Variants in ARL15 observed in about 807,000 individuals in gnomAD.
ARL15 encodes ARF like GTPase 15.
Under a neutral mutation model 25.2 loss-of-function variants are expected in ARL15, and 19 were observed. The ratio of observed to expected loss-of-function variants is 0.75; its 90% confidence interval spans 0.53 to 1.10. The LOEUF (loss-of-function observed/expected upper bound fraction) is 1.10. ARL15 is among the 50% of genes least tolerant of loss of function. ARL15 has a pLI of 0.00. For missense variants in ARL15, 220 were observed against 246.0 expected, an observed-to-expected ratio of 0.89 and a Z score of 0.71; for synonymous variants, 94 against 86.8, an observed-to-expected ratio of 1.08 and a Z score of -0.46.
At chr5:54,197,949 G>C (rs1434905419) in intron 1 of ARL15, among the ~76,000 whole-genome samples, 2 of 151,974 alleles carry the variant, frequency 1.3e-5, no homozygotes, top group East Asian at 3.9e-4. Flanking sequence ...TATCCACCAT[G>C]ATCAAGTGGG....
intron 4 of ARL15, among the ~76,000 whole-genome samples, chr5:53,977,876 CCTTT>C (rs1264957646): frequency 1.4e-5 from 2 of 145,874 alleles, no homozygotes; most frequent in Non-Finnish European, 3.0e-5. Flanking sequence ...AACTTTTCCT[CCTTT>C]CTATCACTGT....
At chr5:54,168,213 C>T (rs749506488) in intron 2 of ARL15, among the ~76,000 whole-genome samples, 1 of 152,028 alleles carries the variant, frequency 6.6e-6, no homozygotes, top group Non-Finnish European at 1.5e-5. Context: ...CCTTTCTTCC[C>T]GCTTTCTACC....
At chr5:54,062,454 G>A (rs1264424782) in intron 4 of ARL15, among the ~76,000 whole-genome samples, 1 of 151,540 alleles carries the variant, frequency 6.6e-6, no homozygotes, top group Admixed American at 6.6e-5. Flanking sequence ...GAATTATGAA[G>A]GCCAGTCTTT....
chr5:54,222,182 G>C (rs1348971968), intron 1 of ARL15, among the ~76,000 whole-genome samples: 1 of 152,058 alleles, frequency 6.6e-6, no homozygotes, highest in African/African-American at 2.4e-5. Context: ...GCTGTCCTTT[G>C]AACAAAAATT....
intron 1 of ARL15, among the ~76,000 whole-genome samples, chr5:54,255,696 C>T (rs1444498268): frequency 6.6e-6 from 1 of 152,106 alleles, no homozygotes; most frequent in Non-Finnish European, 1.5e-5. Flanking sequence ...TGATGGGCTG[C>T]AGCATAAAAC....
chr5:54,280,758 T>C (rs1365941956), intron 1 of ARL15, among the ~76,000 whole-genome samples: 1 of 152,230 alleles, frequency 6.6e-6, no homozygotes, highest in East Asian at 1.9e-4. Context: ...AAGTCCTTAC[T>C]TAGAAAATAA....
At chr5:54,060,856 A>C (rs944320674) in intron 4 of ARL15, among the ~76,000 whole-genome samples, 1 of 152,248 alleles carries the variant, frequency 6.6e-6, no homozygotes, top group Admixed American at 6.5e-5. Context: ...GCAGCAAAGC[A>C]TTCAAGAGGA....
At chr5:53,965,466 T>C (rs1360162034) in intron 4 of ARL15, among the ~76,000 whole-genome samples, 1 of 152,148 alleles carries the variant, frequency 6.6e-6, no homozygotes, top group Non-Finnish European at 1.5e-5. Flanking sequence ...TGAGCCAAGG[T>C]TTTGCTCTTT....
chr5:54,027,793 A>G (rs569267952), intron 4 of ARL15, among the ~76,000 whole-genome samples: 1 of 152,302 alleles, frequency 6.6e-6, no homozygotes, highest in East Asian at 1.9e-4. Context: ...CCTCAGGTCA[A>G]ACAATGAGAA....
chr5:54,035,922 A>C (rs1750152350), intron 4 of ARL15, among the ~76,000 whole-genome samples: 1 of 152,196 alleles, frequency 6.6e-6, no homozygotes, highest in Admixed American at 6.5e-5. Context: ...TATTAGGCTG[A>C]GGTGAGAGGA....
chr5:53,979,369 CA>C (rs1158943613), intron 4 of ARL15, among the ~76,000 whole-genome samples: 1 of 151,332 alleles, frequency 6.6e-6, no homozygotes, highest in Admixed American at 6.6e-5. Context: ...CTCATCTCTA[CA>C]AAAAAAATAA....
intron 4 of ARL15, among the ~76,000 whole-genome samples, chr5:54,111,332 T>C (rs1025831962): frequency 1.3e-5 from 2 of 152,038 alleles, no homozygotes; most frequent in Admixed American, 6.6e-5. Context: ...TTTATAACTA[T>C]CAGTCTTACT....
At chr5:53,968,855 A>T (rs1183728861) in intron 4 of ARL15, among the ~76,000 whole-genome samples, 2 of 151,674 alleles carry the variant, frequency 1.3e-5, no homozygotes, top group Non-Finnish European at 2.9e-5. Context: ...GGCACATCTT[A>T]TATCTTTTAA....
At chr5:53,976,197 G>T (rs1028168828) in intron 4 of ARL15, among the ~76,000 whole-genome samples, 1 of 152,118 alleles carries the variant, frequency 6.6e-6, no homozygotes, top group Non-Finnish European at 1.5e-5. Context: ...GTGTAGCAGG[G>T]GTGATAGGCA....
chr5:54,066,711 A>G (rs1198574315), intron 4 of ARL15, among the ~76,000 whole-genome samples: 1 of 152,128 alleles, frequency 6.6e-6, no homozygotes, highest in East Asian at 1.9e-4. Context: ...AACGCATAAA[A>G]CTACTTCCCA....
chr5:54,037,584 C>T (rs1750211569), intron 4 of ARL15, among the ~76,000 whole-genome samples: 1 of 151,954 alleles, frequency 6.6e-6, no homozygotes, highest in Non-Finnish European at 1.5e-5. Flanking sequence ...GTTTTACCTG[C>T]CAAGTAAAAA....
chr5:54,016,923 C>T (rs935510875), intron 4 of ARL15, among the ~76,000 whole-genome samples: 1 of 152,138 alleles, frequency 6.6e-6, no homozygotes, highest in Non-Finnish European at 1.5e-5. Flanking sequence ...ACGGAGAGAT[C>T]GATTTCATGG....
chr5:53,911,445 T>G (rs1036725683), intron 4 of ARL15, among the ~76,000 whole-genome samples: 2 of 152,172 alleles, frequency 1.3e-5, no homozygotes, highest in African/African-American at 4.8e-5. Flanking sequence ...GGTGATAGGA[T>G]TTTAACTGTA....
chr5:54,226,467 A>AG (rs531064411), intron 1 of ARL15, among the ~76,000 whole-genome samples: 6 of 152,218 alleles, frequency 3.9e-5, no homozygotes, highest in Non-Finnish European at 8.8e-5. Flanking sequence ...CCAGGCCTCC[A>AG]GCCATTCATG....
Sources: allele counts gnomAD v4.1 joint callset (sites outside exome capture counted in the v4.1 genomes callset), GRCh38; gene constraint gnomAD v4.1.1; transcripts MANE v1.5; gene names NCBI Gene and HGNC (gene_info 2026-07-23, HGNC 2026-07-21).